Variants in CTNNA3 observed in about 807,000 individuals in gnomAD.
CTNNA3 encodes the protein catenin alpha-3.
A neutral mutation model predicts 95.7 loss-of-function variants in CTNNA3; 76 were observed. The observed-to-expected ratio is 0.79, with a 90% CI of 0.66 to 0.96. The LOEUF is 0.96. CTNNA3 is among the 40% of genes least tolerant of loss of function. CTNNA3 has a pLI of 0.00. For missense variants in CTNNA3, 1,191 were observed against 1,089.8 expected (o/e 1.09, Z -1.31); for synonymous variants, 431 against 374.4 (o/e 1.15, Z -1.74).
At chr10:66,531,461 A>G (rs2132050123) in intron 10 of CTNNA3, among the ~76,000 whole-genome samples, 1 of 152,214 alleles carries the variant, frequency 6.6e-6, no homozygotes, top group East Asian at 1.9e-4. Context: ...GCAGCCCCAA[A>G]AATTCAAGCA....
intron 13 of CTNNA3, among the ~76,000 whole-genome samples, chr10:66,259,551 A>T (rs1193611333): frequency 6.6e-6 from 1 of 151,740 alleles, no homozygotes; most frequent in African/African-American, 2.4e-5. Context: ...CCCTATTATC[A>T]AAAGTACATA....
chr10:66,110,958 C>T (rs182249964), intron 13 of CTNNA3, among the ~76,000 whole-genome samples: 63 of 152,206 alleles, frequency 4.1e-4, no homozygotes, highest in African/African-American at 1.4e-3. Flanking sequence ...AACTGTAACA[C>T]AGTGGTAAAT....
intron 14 of CTNNA3, among the ~76,000 whole-genome samples, chr10:66,091,846 G>T (rs1050341670): frequency 6.6e-6 from 1 of 151,860 alleles, no homozygotes; most frequent in Non-Finnish European, 1.5e-5. Context: ...AAAAAAAAAT[G>T]GTCACCAAGT....
At chr10:66,534,904 T>C (rs1841598913) in intron 10 of CTNNA3, among the ~76,000 whole-genome samples, 1 of 152,036 alleles carries the variant, frequency 6.6e-6, no homozygotes, top group Non-Finnish European at 1.5e-5. Flanking sequence ...AAGCATGTTT[T>C]CTCATTAAAT....
chr10:67,645,955 A>AAT (rs1554869567), intron 2 of CTNNA3, among the ~76,000 whole-genome samples: 16 of 148,088 alleles, frequency 1.1e-4, no homozygotes, highest in Middle Eastern at 3.6e-3. Flanking sequence ...ATATATATAT[A>AAT]ATATATATAC....
chr10:65,929,775 G>C (rs1475931829), intron 17 of CTNNA3, among the ~76,000 whole-genome samples: 1 of 151,910 alleles, frequency 6.6e-6, no homozygotes, highest in Non-Finnish European at 1.5e-5. Flanking sequence ...CACCATATTG[G>C]TCAGGCTGGT....
At chr10:66,527,076 T>C (rs1178451708) in intron 10 of CTNNA3, among the ~76,000 whole-genome samples, 1 of 152,196 alleles carries the variant, frequency 6.6e-6, no homozygotes, top group East Asian at 1.9e-4. Flanking sequence ...TGTTTAAGTC[T>C]TTGATTCATT....
At chr10:66,308,702 A>G (rs963890679) in intron 12 of CTNNA3, among the ~76,000 whole-genome samples, 1 of 152,156 alleles carries the variant, frequency 6.6e-6, no homozygotes, top group Non-Finnish European at 1.5e-5. Flanking sequence ...AAACATTTTT[A>G]TCATGTCTTT....
intron 11 of CTNNA3, among the ~76,000 whole-genome samples, chr10:66,464,491 G>A (rs1030716520): frequency 2.0e-5 from 3 of 152,052 alleles, no homozygotes; most frequent in African/African-American, 4.8e-5. Context: ...GGTTGGGCAC[G>A]GAGGCTCACA....
intron 5 of CTNNA3, among the ~76,000 whole-genome samples, chr10:67,272,196 A>G (rs1469299078): frequency 6.6e-6 from 1 of 152,170 alleles, no homozygotes; most frequent in African/African-American, 2.4e-5. Context: ...TCAAGTTAAA[A>G]TACCCTGTGG....
intron 5 of CTNNA3, among the ~76,000 whole-genome samples, chr10:67,370,642 T>C (rs1235315727): frequency 1.3e-5 from 2 of 152,162 alleles, no homozygotes; most frequent in Non-Finnish European, 2.9e-5. Flanking sequence ...CTCTGTTTAG[T>C]AAGATTTTCT....
At chr10:67,028,922 A>T (rs1853556560) in intron 7 of CTNNA3, among the ~76,000 whole-genome samples, 1 of 152,042 alleles carries the variant, frequency 6.6e-6, no homozygotes, top group Admixed American at 6.6e-5. Context: ...ATAAGGCAAA[A>T]CTCAACTTTT....
chr10:67,245,940 G>C (rs893089093), intron 5 of CTNNA3, among the ~76,000 whole-genome samples: 3 of 151,370 alleles, frequency 2.0e-5, no homozygotes, highest in Non-Finnish European at 4.4e-5. Context: ...TAAACTTCCT[G>C]CTCCCTTTTG....
chr10:67,554,720 T>A (rs936332830), intron 3 of CTNNA3, among the ~76,000 whole-genome samples: 1 of 152,224 alleles, frequency 6.6e-6, no homozygotes, highest in Non-Finnish European at 1.5e-5. Context: ...TTCACTCTGA[T>A]GGTAGTTTCT....
chr10:67,138,933 T>A (rs1182539965), intron 7 of CTNNA3, among the ~76,000 whole-genome samples: 2 of 152,192 alleles, frequency 1.3e-5, no homozygotes, highest in East Asian at 3.9e-4. Flanking sequence ...AAAACAGAAA[T>A]GAGCACGGAT....
At chr10:66,487,979 T>A (rs540744357) in intron 11 of CTNNA3, among the ~76,000 whole-genome samples, 80 of 152,310 alleles carry the variant, frequency 5.3e-4, no homozygotes, top group African/African-American at 1.8e-3. Flanking sequence ...CAGAAGTATT[T>A]GTGTATATGG....
intron 10 of CTNNA3, among the ~76,000 whole-genome samples, chr10:66,583,749 G>T (rs1275041382): frequency 6.6e-6 from 1 of 150,532 alleles, no homozygotes; most frequent in African/African-American, 2.4e-5. Flanking sequence ...TTATTTCTCT[G>T]GTTCCTTCAG....
intron 7 of CTNNA3, among the ~76,000 whole-genome samples, chr10:66,865,074 C>A (rs924473302): frequency 6.6e-6 from 1 of 151,638 alleles, no homozygotes; most frequent in Non-Finnish European, 1.5e-5. Context: ...GGGATGACAC[C>A]AAAAAAATCA....
intron 11 of CTNNA3, among the ~76,000 whole-genome samples, chr10:66,439,902 C>T (rs187082362): frequency 6.6e-6 from 1 of 152,078 alleles, no homozygotes; most frequent in African/African-American, 2.4e-5. Context: ...ATCTGTATTA[C>T]AACTGAAATA....
Sources: allele counts gnomAD v4.1 joint callset (sites outside exome capture counted in the v4.1 genomes callset), GRCh38; gene constraint gnomAD v4.1.1; transcripts MANE v1.5; gene names NCBI Gene and HGNC (gene_info 2026-07-23, HGNC 2026-07-21).